Variants in SLC36A1 observed in about 807,000 individuals in gnomAD.
The protein encoded by SLC36A1 is proton-coupled amino acid transporter 1.
A neutral mutation model predicts 47.5 loss-of-function variants in SLC36A1; 30 were observed. The observed-to-expected ratio is 0.63, with a 90% CI of 0.47 to 0.86. The LOEUF (loss-of-function observed/expected upper bound fraction) is 0.86. Among genes scored for constraint, SLC36A1 ranks in the 40% least tolerant of loss-of-function variants. The pLI, the probability that SLC36A1 is intolerant of heterozygous loss-of-function variation, is 0.00. For missense variants in SLC36A1, 517 were observed against 606.0 expected (o/e 0.85, Z 1.54); for synonymous variants, 255 against 249.7 (o/e 1.02, Z -0.20).
At chr5:151,507,383 T>C in the SLC36A1 span, 1 of 1,614,188 alleles carries the variant, frequency 6.2e-7, no homozygotes, top group South Asian at 1.1e-5. Context: ...CAGGCATGGC[T>C]TGGGTGTCAA....
the SLC36A1 span, among the ~76,000 whole-genome samples, chr5:151,390,305 AG>A: frequency 6.6e-6 from 1 of 152,214 alleles, no homozygotes; most frequent in Admixed American, 6.5e-5. Context: ...TCTGGATATT[AG>A]CCCTTTGTCA....
chr5:151,530,521 A>C, the SLC36A1 span, among the ~76,000 whole-genome samples: 1 of 152,246 alleles, frequency 6.6e-6, no homozygotes, highest in Non-Finnish European at 1.5e-5. Flanking sequence ...AATAAAGAGG[A>C]AGAAGAAAAT....
the SLC36A1 span, among the ~76,000 whole-genome samples, chr5:151,388,381 A>T: frequency 6.6e-6 from 1 of 151,970 alleles, no homozygotes; most frequent in Admixed American, 6.6e-5. Context: ...CATGCCGGTA[A>T]TCCCAGCTAC....
chr5:151,525,365 TG>T, the SLC36A1 span, among the ~76,000 whole-genome samples: 1 of 152,118 alleles, frequency 6.6e-6, no homozygotes, highest in African/African-American at 2.4e-5. Context: ...TGAGGTAGGT[TG>T]TTTTAGCTCC....
At chr5:151,433,455 T>G (rs1463488725), upstream of SLC36A1, among the ~76,000 whole-genome samples, 1 of 148,204 alleles carries the variant, frequency 6.7e-6, no homozygotes, top group Non-Finnish European at 1.5e-5. Flanking sequence ...AGCTGTTTTT[T>G]TTTGTGTGTG....
At chr5:151,394,056 T>A in the SLC36A1 span, among the ~76,000 whole-genome samples, 5 of 152,366 alleles carry the variant, frequency 3.3e-5, no homozygotes, top group African/African-American at 1.2e-4. Context: ...GACGTAGATT[T>A]GGTCTTTTCA....
At chr5:151,429,514 A>G in the SLC36A1 span, among the ~76,000 whole-genome samples, 2 of 151,566 alleles carry the variant, frequency 1.3e-5, no homozygotes, top group African/African-American at 2.4e-5. Context: ...CCATGTCCCT[A>G]CAAAGGACAT....
chr5:151,379,019 C>A, the SLC36A1 span, among the ~76,000 whole-genome samples: 3 of 152,212 alleles, frequency 2.0e-5, no homozygotes, highest in African/African-American at 4.8e-5. Flanking sequence ...AAAATTGGGT[C>A]AGAGTTGGCA....
the SLC36A1 span, among the ~76,000 whole-genome samples, chr5:151,360,649 A>G: frequency 2.0e-5 from 3 of 152,194 alleles, no homozygotes; most frequent in African/African-American, 7.2e-5. Flanking sequence ...ATGTTTCTAT[A>G]TAGTATTGAT....
the SLC36A1 span, among the ~76,000 whole-genome samples, chr5:151,388,509 A>AAAAAG: frequency 6.8e-6 from 1 of 147,014 alleles, no homozygotes; most frequent in South Asian, 2.1e-4. Context: ...CTCAAAAGAA[A>AAAAAG]AAAAAAAAAA....
chr5:151,488,038 CG>C lies in SLC36A1; in HGVS notation c.1216del (p.Val406Ter), dbSNP rs771839829. On this transcript the variant is annotated frameshift_variant, in exon 11 of 11. Transcript: ENST00000243389. LOFTEE classifies it high-confidence loss of function. Reference protein sequence around the residue: ...LDLVISLVGSVSSSALALIIP... With the variant: ...LDLVISLVGSXSSSALALIIP... ...ACCTGGTCATCTCCCTGGTGGGCTC[CG>C]TGAGCAGCAGCGCCCTGGCCCTCAT... 1.7e-5 allele frequency: 28 copies of C among 1,614,002 alleles called. No homozygotes were observed. The Admixed American group carries it at 4.7e-4, about 27-fold the overall frequency.
At chr5:151,416,640 T>C in the SLC36A1 span, among the ~76,000 whole-genome samples, 2 of 151,868 alleles carry the variant, frequency 1.3e-5, no homozygotes, top group African/African-American at 4.8e-5. Flanking sequence ...AACAGCTCTG[T>C]TGTCAGGGTG....
chr5:151,457,879 G>A (rs1433596886), intron 1 of SLC36A1, among the ~76,000 whole-genome samples: 9 of 142,352 alleles, frequency 6.3e-5, no homozygotes, highest in East Asian at 2.2e-4. Context: ...ATGGAGTTTC[G>A]CTCTTGTCGC....
the SLC36A1 span, chr5:151,550,526 A>G: frequency 6.4e-7 from 1 of 1,551,040 alleles, no homozygotes; most frequent in Admixed American, 1.7e-5. Context: ...CATGTCTCCA[A>G]GCATGTCCAC....
chr5:151,477,679 C>T (rs1464483171), intron 9 of SLC36A1: 1 of 152,122 alleles, frequency 6.6e-6, no homozygotes, highest in Admixed American at 6.5e-5. Flanking sequence ...CATTTGGATA[C>T]ATATGTACAA....
chr5:151,413,883 A>G, the SLC36A1 span, among the ~76,000 whole-genome samples: 1 of 152,098 alleles, frequency 6.6e-6, no homozygotes. Context: ...ATATGTATAT[A>G]TATACATATG....
At chr5:151,495,389 G>C (rs1474997732), downstream of SLC36A1, among the ~76,000 whole-genome samples, 1 of 152,116 alleles carries the variant, frequency 6.6e-6, no homozygotes, top group East Asian at 1.9e-4. Context: ...ACAGGAGGGA[G>C]GTCCAGGTCC....
intron 1 of SLC36A1, among the ~76,000 whole-genome samples, chr5:151,454,721 T>TTC (rs1198655303): frequency 6.8e-6 from 1 of 147,838 alleles, no homozygotes; most frequent in Non-Finnish European, 1.5e-5. Context: ...TTTTTTTTTT[T>TTC]TTTTTTTTTG....
the SLC36A1 span, chr5:151,542,154 G>C: frequency 1.6e-5 from 12 of 773,992 alleles, no homozygotes; most frequent in African/African-American, 3.4e-5. Flanking sequence ...GAGGTCCTAG[G>C]GGGTTAAGTG....
Sources: allele counts gnomAD v4.1 joint callset (sites outside exome capture counted in the v4.1 genomes callset), GRCh38; gene constraint gnomAD v4.1.1; transcripts MANE v1.5; gene names NCBI Gene and HGNC (gene_info 2026-07-23, HGNC 2026-07-21).